The following SAMD5 variants were observed in gnomAD, a reference collection of about 807,000 sequenced individuals.
SAMD5 encodes sterile alpha motif domain containing 5.
Under a neutral mutation model 11.3 loss-of-function variants are expected in SAMD5, and 13 were observed. The ratio of observed to expected loss-of-function variants is 1.15; its 90% CI spans 0.75 to 1.83. SAMD5 has a LOEUF of 1.83. Among genes scored for constraint, SAMD5 ranks in the 40% most tolerant of loss-of-function variants. The pLI is 0.00. For synonymous variants in SAMD5, 129 were observed against 111.3 expected (o/e 1.16, Z -1.00); for missense variants, 255 against 239.1 (o/e 1.07, Z -0.44).
intron 1 of SAMD5, among the ~76,000 whole-genome samples, chr6:147,730,399 A>T (rs1257998680): frequency 1.3e-5 from 2 of 152,160 alleles, no homozygotes; most frequent in African/African-American, 4.8e-5. Flanking sequence ...TTGGTCCAGT[A>T]AGATAAGCTG....
At chr6:147,818,267 G>A in the SAMD5 span, among the ~76,000 whole-genome samples, 1 of 152,162 alleles carries the variant, frequency 6.6e-6, no homozygotes, top group Non-Finnish European at 1.5e-5. Context: ...TTTGGAAAAT[G>A]AAGCTGACAG....
chr6:147,517,412 A>G (rs1192348551), intron 1 of SAMD5, among the ~76,000 whole-genome samples: 1 of 152,150 alleles, frequency 6.6e-6, no homozygotes, highest in Non-Finnish European at 1.5e-5. Flanking sequence ...TTGCTTGGAC[A>G]TCTCAGCTTC....
chr6:147,592,864 A>G (rs1448310199), intron 1 of SAMD5, among the ~76,000 whole-genome samples: 2 of 152,152 alleles, frequency 1.3e-5, no homozygotes, highest in Non-Finnish European at 2.9e-5. Context: ...TTCTTACACT[A>G]TATTCAGGAT....
chr6:147,809,069 A>G, the SAMD5 span, among the ~76,000 whole-genome samples: 7 of 152,194 alleles, frequency 4.6e-5, no homozygotes, highest in African/African-American at 9.6e-5. Flanking sequence ...AGAATTTAAC[A>G]TCTTATAGTA....
chr6:147,889,727 A>T, the SAMD5 span, among the ~76,000 whole-genome samples: 1 of 152,206 alleles, frequency 6.6e-6, no homozygotes, highest in Non-Finnish European at 1.5e-5. Flanking sequence ...TGTTGAGAAC[A>T]CACACTACTC....
chr6:147,604,802 A>G (rs781665131), intron 1 of SAMD5, among the ~76,000 whole-genome samples: 1 of 152,234 alleles, frequency 6.6e-6, no homozygotes, highest in Non-Finnish European at 1.5e-5. Context: ...GAATACCTGC[A>G]GTCTACATGT....
the SAMD5 span, among the ~76,000 whole-genome samples, chr6:147,899,189 A>AAAAAG: frequency 0.021 from 2,578 of 121,028 alleles, 41 homozygotes; most frequent in African/African-American, 0.035. Flanking sequence ...AAAAAAAAAA[A>AAAAAG]AAAAGATAAC....
At chr6:147,589,841 A>G (rs1438964423) in intron 1 of SAMD5, among the ~76,000 whole-genome samples, 1 of 152,158 alleles carries the variant, frequency 6.6e-6, no homozygotes, top group East Asian at 1.9e-4. Flanking sequence ...ACTTCATGAA[A>G]TCCAATAATG....
the SAMD5 span, among the ~76,000 whole-genome samples, chr6:147,910,702 G>A: frequency 2.6e-5 from 4 of 152,172 alleles, no homozygotes; most frequent in Non-Finnish European, 4.4e-5. Flanking sequence ...TGTCATGCCA[G>A]ATAATTTGTG....
chr6:147,635,240 A>G (rs1790210810), intron 1 of SAMD5, among the ~76,000 whole-genome samples: 1 of 152,134 alleles, frequency 6.6e-6, no homozygotes. Context: ...CACCACCACC[A>G]CCACCACCAT....
chr6:147,885,216 T>A, the SAMD5 span, among the ~76,000 whole-genome samples: 5 of 152,110 alleles, frequency 3.3e-5, no homozygotes, highest in African/African-American at 9.7e-5. Flanking sequence ...CCCAGCACTT[T>A]GGGAGGCCAA....
At chr6:147,849,870 T>C in the SAMD5 span, among the ~76,000 whole-genome samples, 1 of 152,218 alleles carries the variant, frequency 6.6e-6, no homozygotes, top group African/African-American at 2.4e-5. Context: ...AGACAACGTC[T>C]GCATGCAGCT....
chr6:147,635,460 C>A (rs1343831488), intron 1 of SAMD5, among the ~76,000 whole-genome samples: 6 of 152,112 alleles, frequency 3.9e-5, no homozygotes, highest in Admixed American at 6.5e-5. Context: ...GACTCTGTTG[C>A]CTATATATTT....
intron 1 of SAMD5, among the ~76,000 whole-genome samples, chr6:147,721,602 C>G (rs1198205948): frequency 1.3e-5 from 2 of 152,032 alleles, no homozygotes; most frequent in South Asian, 4.1e-4. Flanking sequence ...GATATTAGCC[C>G]TTTGTCAGAT....
At chr6:147,876,011 A>G in the SAMD5 span, among the ~76,000 whole-genome samples, 2 of 152,208 alleles carry the variant, frequency 1.3e-5, no homozygotes, top group Non-Finnish European at 2.9e-5. Flanking sequence ...ATTGTTTTCC[A>G]TGAAACCAGT....
At chr6:147,714,674 T>C (rs1299361377) in intron 1 of SAMD5, among the ~76,000 whole-genome samples, 1 of 152,222 alleles carries the variant, frequency 6.6e-6, no homozygotes, top group Non-Finnish European at 1.5e-5. Context: ...AAGACAAAAA[T>C]TATATACTTT....
chr6:147,788,913 C>A, the SAMD5 span, among the ~76,000 whole-genome samples: 1 of 151,716 alleles, frequency 6.6e-6, no homozygotes, highest in Non-Finnish European at 1.5e-5. Flanking sequence ...GAAACCCCAT[C>A]TTTACTAAGA....
chr6:147,582,137 T>TC (rs144625540), intron 1 of SAMD5, among the ~76,000 whole-genome samples: 95,428 of 151,758 alleles, frequency 0.63, 30,163 homozygotes, highest in South Asian at 0.73. Context: ...GGTGGGTGGA[T>TC]CATCTGAGGT....
At position 147,569,139 on chromosome 6, in the gene SAMD5, T is replaced by G. The variant is rs1398277345; in HGVS notation, c.*4683T>G. The stretch of plus-strand genomic sequence containing the variant: ...CAGCTACTAAGGCAGGAGAATGGCT[T>G]GAACCCAGGAGGTGGAGGTCGCAGT... On this transcript the variant is annotated 3_prime_UTR_variant, in exon 2 of 2. Transcript: ENST00000367474. The G allele has an allele frequency of 5.6e-6, 1 of 177,130 alleles. No homozygotes were observed. The highest frequency in any genetic ancestry group is 1.9e-4 in the East Asian group (1 of 5,248). The allele number at this position is 177,130 out of a possible 1,614,324, so 11.0% of individuals were successfully genotyped here. A position where few individuals can be genotyped will look rare whatever the true frequency, so the allele number is the denominator to read the frequency against.
Sources: gnomAD v4.1 joint callset for allele counts (sites outside exome capture counted in the v4.1 genomes callset) on GRCh38, gnomAD v4.1.1 for gene constraint, MANE v1.5 for transcripts, NCBI Gene and HGNC (gene_info 2026-07-23, HGNC 2026-07-21) for gene names.